SGK3: variants seen among roughly 807,000 people sequenced by gnomAD.
SGK3 encodes serine/threonine-protein kinase Sgk3.
Under a neutral mutation model 68.5 loss-of-function variants are expected in SGK3, and 47 were observed. The observed-to-expected ratio is 0.69, with a 90% CI of 0.54 to 0.87. The LOEUF (loss-of-function observed/expected upper bound fraction) is 0.87, where lower values mean the gene tolerates loss of function less well. Ranked by LOEUF, SGK3 falls within the 40% of genes least tolerant of loss-of-function variation. SGK3 has a pLI of 0.00. For missense variants in SGK3, 479 were observed against 575.5 expected, an observed-to-expected ratio of 0.83 and a Z score of 1.72; for synonymous variants, 181 against 189.1, an observed-to-expected ratio of 0.96 and a Z score of 0.35.
At position 66,837,644 on chromosome 8, in the gene SGK3, C is replaced by T. The variant is rs1439934446; in HGVS notation, c.741+1570C>T. 4.6e-5 allele frequency among the ~76,000 whole-genome samples: 7 copies of T among 152,200 alleles called. No homozygotes were observed. The East Asian group carries it at 9.7e-4, about 21-fold the overall frequency. ...AAAAAAATAACAAAAATTAGCTGGG[C>T]ATGGTGACATGCCTCCGTAGTCCCA... On this transcript the variant is annotated intron_variant, in intron 10 of 16. Transcript: ENST00000521198.
At chr8:66,733,669 T>C (rs1050948443) in intron 1 of SGK3, among the ~76,000 whole-genome samples, 1 of 152,184 alleles carries the variant, frequency 6.6e-6, no homozygotes, top group East Asian at 1.9e-4. Context: ...TTTTCTTAGA[T>C]TTTAAATTAC....
chr8:66,725,633 T>TA lies in SGK3; in HGVS notation c.-122+12802dup, dbSNP rs200524702. On this transcript the variant is annotated intron_variant, in intron 1 of 16. Coordinates refer to ENST00000521198, the MANE Select transcript of SGK3 (RefSeq NM_001033578.3). ...TAAAGTCATTAGTAAAGTTGTGTTT[T>TA]AATTTTTTTTTTTTAAGAATGCATG... 4.9e-4 allele frequency among the ~76,000 whole-genome samples: 74 copies of TA among 152,022 alleles called. 1 individual carries two copies. The highest frequency in any genetic ancestry group is 3.4e-3 in the Middle Eastern group (1 of 294).
chr8:66,786,156 A>G (rs1156391342), intron 1 of SGK3, among the ~76,000 whole-genome samples: 1 of 152,184 alleles, frequency 6.6e-6, no homozygotes, highest in Non-Finnish European at 1.5e-5. Flanking sequence ...TACTACATGT[A>G]TAGTAATAGC....
intron 1 of SGK3, among the ~76,000 whole-genome samples, chr8:66,733,332 T>G (rs1377308263): frequency 1.3e-5 from 2 of 152,216 alleles, no homozygotes; most frequent in Non-Finnish European, 2.9e-5. Flanking sequence ...GAAATACATC[T>G]TCTTCAGTAG....
intron 1 of SGK3, among the ~76,000 whole-genome samples, chr8:66,723,115 ATATATATATATATATAT>A (rs1445493126): frequency 8.2e-5 from 4 of 48,778 alleles, no homozygotes; most frequent in Admixed American, 2.3e-4. Flanking sequence ...ATATATATAT[ATATATATATATATATAT>A]TTTTTTTTTT....
chr8:66,758,641 T>G (rs987634745), intron 1 of SGK3, among the ~76,000 whole-genome samples: 2 of 152,154 alleles, frequency 1.3e-5, no homozygotes, highest in East Asian at 3.9e-4. Context: ...GGCTAAGTAG[T>G]AGCTTCTTAG....
At chr8:66,747,222 G>A (rs989824758) in intron 1 of SGK3, among the ~76,000 whole-genome samples, 17 of 152,096 alleles carry the variant, frequency 1.1e-4, no homozygotes, top group African/African-American at 3.6e-4. Flanking sequence ...TGTTCTCATG[G>A]TATTAAGGTG....
At chr8:66,804,811 G>A (rs149981309) in intron 4 of SGK3, among the ~76,000 whole-genome samples, 8 of 152,302 alleles carry the variant, frequency 5.3e-5, no homozygotes, top group African/African-American at 1.9e-4. Flanking sequence ...TCAATGGGCT[G>A]GGCACAGTGG....
rs185261248 is a variant in SGK3 at position 66,725,582 on chromosome 8, T to C, written c.-122+12749T>C. Among the ~76,000 whole-genome samples the C allele has an allele frequency of 2.2e-3, 340 of 152,100 alleles. 1 individual carries two copies. Among genetic ancestry groups the C allele is most frequent in the Non-Finnish European group, 3.4e-3 (229 of 68,010 alleles). ...TTTCCTGACTTAAAAAATAGATCTA[T>C]ATATATCTAGCGTTCTTTTTCCATA... On this transcript the variant is annotated intron_variant, in intron 1 of 16. Transcript: ENST00000521198.
At chr8:66,825,667 A>T (rs1809026188) in intron 6 of SGK3, among the ~76,000 whole-genome samples, 1 of 152,196 alleles carries the variant, frequency 6.6e-6, no homozygotes, top group Admixed American at 6.5e-5. Context: ...TTTAGAGGGC[A>T]TCTGGACCTA....
chr8:66,778,389 C>A (rs931176502), intron 1 of SGK3, among the ~76,000 whole-genome samples: 3 of 152,158 alleles, frequency 2.0e-5, no homozygotes, highest in Non-Finnish European at 4.4e-5. Flanking sequence ...CTCCGCCTCC[C>A]GGGTTCACGC....
At chr8:66,774,842 C>T (rs1396312126) in intron 1 of SGK3, among the ~76,000 whole-genome samples, 2 of 152,080 alleles carry the variant, frequency 1.3e-5, no homozygotes, top group African/African-American at 4.8e-5. Context: ...GACTCCTACC[C>T]CGCCCGAGGA....
chr8:66,763,982 ATC>A (rs1328410826), intron 1 of SGK3, among the ~76,000 whole-genome samples: 5 of 152,106 alleles, frequency 3.3e-5, no homozygotes, highest in African/African-American at 1.2e-4. Context: ...TGATCCTCCT[ATC>A]TCTCAGCCTC....
chr8:66,788,657 C>T (rs530933316), intron 1 of SGK3, among the ~76,000 whole-genome samples: 14 of 152,194 alleles, frequency 9.2e-5, no homozygotes, highest in Non-Finnish European at 1.6e-4. Flanking sequence ...AGTATTGAAA[C>T]TCACTATTTG....
chr8:66,832,398 T>C (rs1809339363), intron 8 of SGK3, among the ~76,000 whole-genome samples: 2 of 152,202 alleles, frequency 1.3e-5, no homozygotes, highest in African/African-American at 4.8e-5. Context: ...AACTCTAGTT[T>C]GTTTTCTGGG....
chr8:66,807,237 A>G (rs1327512671), intron 4 of SGK3, among the ~76,000 whole-genome samples: 1 of 152,240 alleles, frequency 6.6e-6, no homozygotes, highest in African/African-American at 2.4e-5. Context: ...TGACTGAGAC[A>G]ATTAACTAAT....
chr8:66,757,995 A>ATT (rs1367963857), intron 1 of SGK3, among the ~76,000 whole-genome samples: 53 of 143,520 alleles, frequency 3.7e-4, no homozygotes, highest in African/African-American at 8.8e-4. Flanking sequence ...ATATGTATAT[A>ATT]TATACACACA....
chr8:66,841,338 G>A (rs918365792), intron 13 of SGK3, among the ~76,000 whole-genome samples: 3 of 152,062 alleles, frequency 2.0e-5, no homozygotes, highest in African/African-American at 7.2e-5. Flanking sequence ...TATAAATTAT[G>A]TTTATTTGTT....
At chr8:66,742,663 G>T (rs1386302942) in intron 1 of SGK3, among the ~76,000 whole-genome samples, 4 of 152,100 alleles carry the variant, frequency 2.6e-5, no homozygotes, top group African/African-American at 9.7e-5. Context: ...CACCATGCCT[G>T]GCTCTATATT....
Sources: gnomAD v4.1 joint callset for allele counts (sites outside exome capture counted in the v4.1 genomes callset) on GRCh38, gnomAD v4.1.1 for gene constraint, MANE v1.5 for transcripts, NCBI Gene and HGNC (gene_info 2026-07-23, HGNC 2026-07-21) for gene names.